FBXW8: variants seen among roughly 807,000 people sequenced by gnomAD.
FBXW8 encodes the protein F-box/WD repeat-containing protein 8.
FBXW8 carries 57 observed loss-of-function variants against 65.3 expected under a neutral mutation model. That is an observed-to-expected ratio of 0.87 (90% confidence interval 0.71 to 1.09). The LOEUF is 1.09. Ranked by LOEUF, FBXW8 falls within the 50% of genes least tolerant of loss-of-function variation. The pLI, the probability that FBXW8 is intolerant of heterozygous loss-of-function variation, is 0.00. For synonymous variants in FBXW8, 308 were observed against 330.2 expected, an observed-to-expected ratio of 0.93 and a Z score of 0.73; for missense variants, 777 against 814.8, an observed-to-expected ratio of 0.95 and a Z score of 0.57.
intron 2 of FBXW8, among the ~76,000 whole-genome samples, chr12:116,941,210 T>C (rs759084163): frequency 1.3e-5 from 2 of 152,172 alleles, no homozygotes; most frequent in Non-Finnish European, 1.5e-5. Context: ...CTGGGCCCCA[T>C]TGGCCAGGGA....
chr12:116,942,195 A>T lies in FBXW8; in HGVS notation c.424-3169A>T, dbSNP rs1436700684. Among the ~76,000 whole-genome samples the T allele has an allele frequency of 3.5e-5, 5 of 141,948 alleles. 1 individual carries two copies. In the East Asian group the frequency reaches 1.0e-3, roughly 29 times the overall value. 93.1% of individuals were successfully genotyped at this position (141,948 alleles called of 152,430 possible). ...AGGCACACACCATCACATCTGGCTAATTTTTTTTTTTTTTGTAGAGATGGG... is the reference window on the plus strand; with the variant it reads ...AGGCACACACCATCACATCTGGCTATTTTTTTTTTTTTTTGTAGAGATGGG... On this transcript the variant is annotated intron_variant, in intron 2 of 10. Coordinates refer to ENST00000652555, the MANE Select transcript of FBXW8 (RefSeq NM_153348.3).
intron 5 of FBXW8, among the ~76,000 whole-genome samples, chr12:116,976,143 T>G (rs1255905616): frequency 2.0e-5 from 3 of 152,210 alleles, no homozygotes; most frequent in African/African-American, 7.2e-5. Context: ...AATTACAGGA[T>G]TAAATAAGAC....
chr12:117,022,160 T>C (rs1298025724), intron 8 of FBXW8, among the ~76,000 whole-genome samples: 1 of 152,166 alleles, frequency 6.6e-6, no homozygotes, highest in Admixed American at 6.6e-5. Context: ...CAGGGATTGT[T>C]GCCCCTTGCT....
chr12:117,019,952 G>A (rs1954051693), intron 8 of FBXW8, among the ~76,000 whole-genome samples: 1 of 152,216 alleles, frequency 6.6e-6, no homozygotes, highest in Admixed American at 6.5e-5. Context: ...AAGCAGAGTA[G>A]CCTAGAGGGC....
At chr12:116,951,003 G>A (rs1310295155) in intron 4 of FBXW8, 5 of 152,182 alleles carry the variant, frequency 3.3e-5, no homozygotes, top group Admixed American at 2.0e-4. Context: ...TAAAAATAAA[G>A]GAGAGCCTTG....
At chr12:116,912,526 C>G (rs1347150984) in intron 1 of FBXW8, among the ~76,000 whole-genome samples, 1 of 143,480 alleles carries the variant, frequency 7.0e-6, no homozygotes, top group South Asian at 2.2e-4. Flanking sequence ...GTGGCGCGAT[C>G]TCGGCTCACT....
chr12:117,009,425 T>G (rs1468348788), intron 7 of FBXW8, among the ~76,000 whole-genome samples: 1 of 151,846 alleles, frequency 6.6e-6, no homozygotes, highest in Non-Finnish European at 1.5e-5. Context: ...AACTTCTGAG[T>G]TCATTAATTT....
At chr12:116,978,034 A>G (rs1776081901) in intron 5 of FBXW8, 1 of 152,224 alleles carries the variant, frequency 6.6e-6, no homozygotes, top group African/African-American at 2.4e-5. Flanking sequence ...CGCCTCCTCC[A>G]TAAGCCTATT....
At position 116,936,916 on chromosome 12, in the gene FBXW8, C is replaced by T. The variant is rs1285644926; in HGVS notation, c.424-8448C>T. ...GAGCAGAGGGGTGACAAGGGCTGCC[C>T]TACGTTTAAAAAGGGACCATTTGGG... On this transcript the variant is annotated intron_variant, in intron 2 of 10. Coordinates refer to ENST00000652555, the MANE Select transcript of FBXW8 (RefSeq NM_153348.3). This position sits in a 1 kb window ranked among gnomAD's most constrained non-coding sequence, Gnocchi z 4.6. Among the ~76,000 whole-genome samples, 1 of 151,968 alleles carries T rather than the reference C, an allele frequency of 6.6e-6. No homozygotes were observed. Among genetic ancestry groups the T allele is most frequent in the East Asian group, 1.9e-4 (1 of 5,164 alleles).
intron 7 of FBXW8, among the ~76,000 whole-genome samples, chr12:117,000,914 AC>A (rs1252526314): frequency 6.6e-6 from 1 of 152,246 alleles, no homozygotes; most frequent in Non-Finnish European, 1.5e-5. Context: ...CAGGAATGAC[AC>A]GAGCTGCGCT....
chr12:116,940,255 C>CTT (rs76455764), intron 2 of FBXW8, among the ~76,000 whole-genome samples: 15 of 143,148 alleles, frequency 1.0e-4, no homozygotes, highest in African/African-American at 3.1e-4. Context: ...TCCTGGTTAT[C>CTT]TTTTTTTTTT....
At chr12:116,979,922 G>T (rs1229132757) in intron 5 of FBXW8, among the ~76,000 whole-genome samples, 3 of 152,154 alleles carry the variant, frequency 2.0e-5, no homozygotes, top group African/African-American at 7.2e-5. Flanking sequence ...TTTGGGCAGG[G>T]GGTTGTCTCC....
intron 5 of FBXW8, among the ~76,000 whole-genome samples, chr12:116,969,854 T>A (rs1014175053): frequency 2.6e-5 from 4 of 152,132 alleles, no homozygotes; most frequent in Admixed American, 2.0e-4. Context: ...GGCAAGGTGA[T>A]CCACAGTTGT....
intron 2 of FBXW8, 96 bp downstream of exon 2, chr12:116,928,223 A>C: frequency 1.2e-6 from 1 of 816,430 alleles, no homozygotes; most frequent in Non-Finnish European, 2.0e-6. Context: ...CAGAATTATA[A>C]ACTTTGCAGA....
At chr12:117,002,122 C>A (rs1378815943) in intron 7 of FBXW8, among the ~76,000 whole-genome samples, 3 of 152,200 alleles carry the variant, frequency 2.0e-5, no homozygotes, top group African/African-American at 7.2e-5. Context: ...AGACATCTGC[C>A]CACATCACAA....
intron 7 of FBXW8, among the ~76,000 whole-genome samples, chr12:117,009,606 GTTGAA>G (rs148772767): frequency 0.047 from 7,139 of 152,244 alleles, 227 homozygotes; most frequent in Non-Finnish European, 0.072. Flanking sequence ...TTTGAATTAA[GTTGAA>G]TTGAATTAAT....
chr12:116,978,192 T>A (rs1326222904), intron 5 of FBXW8: 1 of 152,272 alleles, frequency 6.6e-6, no homozygotes, highest in Non-Finnish European at 1.5e-5. Flanking sequence ...AACTTCAGCC[T>A]TTTTCCTTTT....
At chr12:116,976,450 CTTTTTTTTTTTT>C (rs35364851) in intron 5 of FBXW8, among the ~76,000 whole-genome samples, 150 of 64,628 alleles carry the variant, frequency 2.3e-3, no homozygotes, top group African/African-American at 7.7e-3. Flanking sequence ...CCAAAGGATC[CTTTTTTTTTTTT>C]TTTTTTTTTT....
rs769945210 is a variant in FBXW8 at position 117,027,476 on chromosome 12, G to A, written c.1624G>A (p.Asp542Asn). Residue 542 changes from aspartate (D) to asparagine (N), a missense_variant, in exon 10 of 11, where the codon GAC becomes AAC. Physicochemically the swap from Asp to Asn is conservative, Grantham distance 23. Coordinates refer to ENST00000652555, the MANE Select transcript of FBXW8 (RefSeq NM_153348.3). ...VPYQTVMRNA[D>N]LDSFTTHRRH... ...TTACCAGACGGTAATGCGAAACGCC[G>A]ACCTGGACAGCTTCACTACTCACAG... The A allele has an allele frequency of 1.7e-5, 27 of 1,613,982 alleles. No individual in the cohort carries two copies. Among genetic ancestry groups the A allele is most frequent in the Admixed American group, 6.7e-5 (4 of 60,002 alleles).
Sources: allele counts gnomAD v4.1 joint callset (sites outside exome capture counted in the v4.1 genomes callset), GRCh38; gene constraint gnomAD v4.1.1; non-coding constraint Gnocchi (gnomAD v3.1); transcripts MANE v1.5; gene names NCBI Gene and HGNC (gene_info 2026-07-23, HGNC 2026-07-21).